CHLSN: variants seen among roughly 807,000 people sequenced by gnomAD.
CHLSN encodes the protein cholesin.
the CHLSN span, among the ~76,000 whole-genome samples, chr7:1,118,111 T>C: frequency 6.6e-6 from 1 of 152,218 alleles, no homozygotes; most frequent in African/African-American, 2.4e-5. Context: ...AGCACAACGC[T>C]TACCCAGCAA....
chr7:1,016,705 AC>A, the CHLSN span, among the ~76,000 whole-genome samples: 2 of 84,446 alleles, frequency 2.4e-5, no homozygotes, highest in Admixed American at 1.2e-4. Flanking sequence ...ATGCCAGCAC[AC>A]GCCAGCGCAC....
the CHLSN span, among the ~76,000 whole-genome samples, chr7:1,131,932 C>A: frequency 6.6e-6 from 1 of 152,176 alleles, no homozygotes; most frequent in Admixed American, 6.6e-5. Flanking sequence ...TTACTGTCAA[C>A]TGATTTTCAA....
the CHLSN span, among the ~76,000 whole-genome samples, chr7:1,032,736 C>T: frequency 1.3e-5 from 2 of 152,242 alleles, no homozygotes; most frequent in Non-Finnish European, 2.9e-5. Flanking sequence ...TCCAGTCTGT[C>T]CATGACAGGC....
the CHLSN span, chr7:988,969 A>G: frequency 1.7e-6 from 1 of 593,988 alleles, no homozygotes; most frequent in Non-Finnish European, 3.0e-6. Context: ...AGGGTCAGCA[A>G]CTGCTTCCGG....
the CHLSN span, among the ~76,000 whole-genome samples, chr7:1,115,369 G>A: frequency 1.7e-3 from 262 of 152,318 alleles, no homozygotes; most frequent in Non-Finnish European, 3.0e-3. Flanking sequence ...CGCCCTCACC[G>A]GGCGCCAGGG....
At chr7:1,023,212 C>T in the CHLSN span, among the ~76,000 whole-genome samples, 1 of 152,368 alleles carries the variant, frequency 6.6e-6, no homozygotes, top group African/African-American at 2.4e-5. The surrounding 1 kb of genome is among the most constrained non-coding windows in gnomAD (Gnocchi z 5.0). Flanking sequence ...CGAGTATTTA[C>T]AAGGTCTGGT....
At chr7:1,049,701 T>A in the CHLSN span, among the ~76,000 whole-genome samples, 1 of 152,178 alleles carries the variant, frequency 6.6e-6, no homozygotes, top group Non-Finnish European at 1.5e-5. Flanking sequence ...TAACATTCCC[T>A]CATGTCAGGT....
the CHLSN span, chr7:1,093,012 C>T: frequency 1.3e-6 from 1 of 752,758 alleles, no homozygotes; most frequent in South Asian, 1.5e-5. Flanking sequence ...CCTGGTCACC[C>T]TGGGGCTGCT....
the CHLSN span, among the ~76,000 whole-genome samples, chr7:1,004,445 C>T: frequency 1.4e-4 from 22 of 152,218 alleles, no homozygotes; most frequent in Admixed American, 1.4e-3. Flanking sequence ...GCACACTGCC[C>T]TCCCATGGGG....
chr7:1,015,268 T>C, the CHLSN span, among the ~76,000 whole-genome samples: 3 of 151,956 alleles, frequency 2.0e-5, no homozygotes, highest in African/African-American at 7.2e-5. Flanking sequence ...CCCTGAGGCA[T>C]GAGAGCAGGT....
At chr7:1,125,086 G>A in the CHLSN span, among the ~76,000 whole-genome samples, 2 of 152,226 alleles carry the variant, frequency 1.3e-5, no homozygotes, top group African/African-American at 4.8e-5. Context: ...CTGCTGAGCC[G>A]CCTGCAGCCA....
At chr7:989,878 G>T in the CHLSN span, among the ~76,000 whole-genome samples, 1 of 148,302 alleles carries the variant, frequency 6.7e-6, no homozygotes, top group Non-Finnish European at 1.5e-5. Context: ...GGGCGGTGTG[G>T]TCGGCAGTGT....
At chr7:1,025,144 C>T in the CHLSN span, 3 of 152,396 alleles carry the variant, frequency 2.0e-5, no homozygotes, top group South Asian at 2.1e-4. Flanking sequence ...GGATCCGCTG[C>T]TCAGGAGGCA....
At chr7:1,082,815 G>A in the CHLSN span, among the ~76,000 whole-genome samples, 1 of 152,218 alleles carries the variant, frequency 6.6e-6, no homozygotes, top group African/African-American at 2.4e-5. Flanking sequence ...TCCAGCGCCC[G>A]CAGAGAACTA....
At chr7:1,026,494 CG>C in the CHLSN span, 2 of 152,152 alleles carry the variant, frequency 1.3e-5, no homozygotes, top group Admixed American at 6.5e-5. Flanking sequence ...AACTAGCAGT[CG>C]GAGGCGGCGT....
chr7:1,134,577 T>C, the CHLSN span, among the ~76,000 whole-genome samples: 1 of 140,834 alleles, frequency 7.1e-6, no homozygotes, highest in Non-Finnish European at 1.5e-5. Flanking sequence ...TCTAAATAAA[T>C]AAATAAATAG....
the CHLSN span, among the ~76,000 whole-genome samples, chr7:1,134,826 G>A: frequency 6.6e-6 from 1 of 152,038 alleles, no homozygotes; most frequent in East Asian, 1.9e-4. Context: ...GCAGTGAGCC[G>A]AGATCGCACC....
At chr7:1,072,797 C>T in the CHLSN span, among the ~76,000 whole-genome samples, 10 of 151,438 alleles carry the variant, frequency 6.6e-5, no homozygotes, top group Middle Eastern at 3.4e-3. Flanking sequence ...GATTCTCCTG[C>T]CTCAGCCTCC....
At chr7:1,008,145 T>G in the CHLSN span, among the ~76,000 whole-genome samples, 3 of 152,186 alleles carry the variant, frequency 2.0e-5, no homozygotes, top group Non-Finnish European at 4.4e-5. Flanking sequence ...GTGGCACAGC[T>G]GCAGGCCCCA....
Sources: gnomAD v4.1 joint callset for allele counts (sites outside exome capture counted in the v4.1 genomes callset) on GRCh38, gnomAD v4.1.1 for gene constraint, Gnocchi (gnomAD v3.1) non-coding constraint, MANE v1.5 for transcripts, NCBI Gene and HGNC (gene_info 2026-07-23, HGNC 2026-07-21) for gene names.